The following PHACTR3 variants were observed in gnomAD, a reference collection of about 807,000 sequenced individuals.
PHACTR3 encodes phosphatase and actin regulator 3.
A neutral mutation model predicts 66.8 loss-of-function variants in PHACTR3; 16 were observed. The ratio of observed to expected loss-of-function variants is 0.24; its 90% CI spans 0.16 to 0.36. The LOEUF is 0.36. Ranked by LOEUF, PHACTR3 falls within the 10% of genes least tolerant of loss-of-function variation. The pLI is 1.00. For synonymous variants in PHACTR3, 323 were observed against 292.1 expected, an observed-to-expected ratio of 1.11 and a Z score of -1.08; for missense variants, 647 against 719.9, an observed-to-expected ratio of 0.90 and a Z score of 1.16.
intron 1 of PHACTR3, among the ~76,000 whole-genome samples, chr20:59,737,876 G>C (rs2039008902): frequency 6.6e-6 from 1 of 152,144 alleles, no homozygotes; most frequent in South Asian, 2.1e-4. Context: ...AAGGGAGAGA[G>C]GAGTGCAGTC....
At chr20:59,587,868 C>T (rs573324830) in intron 1 of PHACTR3, among the ~76,000 whole-genome samples, 2 of 152,328 alleles carry the variant, frequency 1.3e-5, no homozygotes, top group South Asian at 2.1e-4. Flanking sequence ...TGGCTGAATC[C>T]TCTCAGCCTT....
At chr20:59,717,420 A>G (rs1245882678) in intron 1 of PHACTR3, among the ~76,000 whole-genome samples, 3 of 152,226 alleles carry the variant, frequency 2.0e-5, no homozygotes, top group Non-Finnish European at 4.4e-5. Flanking sequence ...GATGAAATCC[A>G]CTGAACTTAT....
intron 1 of PHACTR3, among the ~76,000 whole-genome samples, chr20:59,677,424 G>T (rs899669161): frequency 6.6e-6 from 1 of 152,146 alleles, no homozygotes; most frequent in African/African-American, 2.4e-5. Flanking sequence ...GTGGACTTTT[G>T]GTTCTGAAAA....
At chr20:59,589,265 G>A (rs1345499733) in intron 1 of PHACTR3, among the ~76,000 whole-genome samples, 7 of 152,170 alleles carry the variant, frequency 4.6e-5, no homozygotes, top group Non-Finnish European at 7.3e-5. Context: ...CGGTGAGGGC[G>A]CCAGAATTTA....
chr20:59,797,746 T>C (rs1341784836), intron 7 of PHACTR3, among the ~76,000 whole-genome samples: 3 of 152,216 alleles, frequency 2.0e-5, no homozygotes, highest in Non-Finnish European at 2.9e-5. Flanking sequence ...GCTTTCCTTT[T>C]TTCAGTTTGT....
At chr20:59,594,689 T>C (rs1398516218) in intron 1 of PHACTR3, among the ~76,000 whole-genome samples, 1 of 152,222 alleles carries the variant, frequency 6.6e-6, no homozygotes, top group Non-Finnish European at 1.5e-5. Context: ...TTTTCTTAGT[T>C]AAGCTGGCTA....
chr20:59,667,433 C>T (rs2036032238), intron 1 of PHACTR3, among the ~76,000 whole-genome samples: 1 of 152,246 alleles, frequency 6.6e-6, no homozygotes, highest in South Asian at 2.1e-4. Context: ...ACTTCTCCCA[C>T]TTGCCTTTTC....
At chr20:59,796,313 TAAC>T (rs1470294026) in intron 7 of PHACTR3, among the ~76,000 whole-genome samples, 3 of 152,130 alleles carry the variant, frequency 2.0e-5, no homozygotes, top group Non-Finnish European at 2.9e-5. Context: ...GTATGTTTCT[TAAC>T]AACTTATTGT....
At chr20:59,776,993 G>T (rs2040562122) in intron 7 of PHACTR3, among the ~76,000 whole-genome samples, 2 of 152,208 alleles carry the variant, frequency 1.3e-5, no homozygotes, top group Non-Finnish European at 2.9e-5. Context: ...TATGACCACA[G>T]AATTTACTCT....
chr20:59,649,680 A>T (rs2035396698), intron 1 of PHACTR3, among the ~76,000 whole-genome samples: 2 of 152,118 alleles, frequency 1.3e-5, no homozygotes, highest in South Asian at 2.1e-4. Context: ...TCAGTTCATG[A>T]CTCAGTTAAT....
chr20:59,581,490 C>A (rs960340150), intron 1 of PHACTR3, among the ~76,000 whole-genome samples: 1 of 152,210 alleles, frequency 6.6e-6, no homozygotes, highest in Non-Finnish European at 1.5e-5. Context: ...GCTGTCACCC[C>A]ATTACTTTAA....
At chr20:59,582,291 T>A (rs1279185065) in intron 1 of PHACTR3, among the ~76,000 whole-genome samples, 2 of 152,232 alleles carry the variant, frequency 1.3e-5, no homozygotes, top group Non-Finnish European at 2.9e-5. Flanking sequence ...TCTGGCTTCA[T>A]AGGTTCTGTC....
intron 7 of PHACTR3, among the ~76,000 whole-genome samples, chr20:59,796,881 A>G (rs1288158131): frequency 6.6e-6 from 1 of 152,122 alleles, no homozygotes; most frequent in African/African-American, 2.4e-5. Context: ...ATGGATCTGG[A>G]TGTCCATCTC....
chr20:59,743,115 G>T lies in PHACTR3; in HGVS notation c.127G>T (p.Asp43Tyr). The change falls in exon 2 of 13, where the codon GAC (aspartate) becomes TAC (tyrosine). Residue 43 changes from aspartate (D) to tyrosine (Y), a missense_variant. This residue lies in a region of PHACTR3 where 577 missense variants were observed against 571.1 expected (regional missense o/e 1.01). Transcript: ENST00000371015. Reference protein sequence around the residue: ...ADAGENPDEMDQTPPARPEYL... With the variant: ...ADAGENPDEMYQTPPARPEYL... ...TGGTTTTCGTCTTCCAGATGAGATGGACCAAACGCCCCCGGCGCGTCCTGA... is the reference window on the plus strand; with the variant it reads ...TGGTTTTCGTCTTCCAGATGAGATGTACCAAACGCCCCCGGCGCGTCCTGA... The T allele has an allele frequency of 6.2e-7, 1 of 1,613,254 alleles. No homozygotes were observed. Among genetic ancestry groups the T allele is most frequent in the Non-Finnish European group, 8.5e-7 (1 of 1,179,656 alleles).
chr20:59,662,298 A>G (rs924230977), intron 1 of PHACTR3, among the ~76,000 whole-genome samples: 31 of 151,986 alleles, frequency 2.0e-4, no homozygotes, highest in African/African-American at 7.2e-4. Flanking sequence ...GGGAGATTTG[A>G]CCCAGCTTGG....
chr20:59,754,128 G>A (rs765037891), intron 3 of PHACTR3, among the ~76,000 whole-genome samples: 7 of 152,350 alleles, frequency 4.6e-5, no homozygotes, highest in Non-Finnish European at 7.3e-5. Context: ...TCTCAGTGAC[G>A]TGACTGTGAC....
chr20:59,694,581 A>T (rs965317210), intron 1 of PHACTR3, among the ~76,000 whole-genome samples: 2 of 152,010 alleles, frequency 1.3e-5, no homozygotes, highest in Non-Finnish European at 2.9e-5. Flanking sequence ...AGGTGAAGAG[A>T]TATAAGGAAT....
intron 1 of PHACTR3, among the ~76,000 whole-genome samples, chr20:59,711,898 C>T (rs1303421134): frequency 2.6e-5 from 4 of 152,082 alleles, no homozygotes; most frequent in African/African-American, 9.7e-5. Flanking sequence ...CGATTGAAAA[C>T]ATTTGTACTC....
At chr20:59,666,564 C>A (rs2035995774) in intron 1 of PHACTR3, among the ~76,000 whole-genome samples, 1 of 150,842 alleles carries the variant, frequency 6.6e-6, no homozygotes, top group African/African-American at 2.4e-5. Context: ...CAAAGAGAGA[C>A]AGAGACAGAG....
Sources: gnomAD v4.1 joint callset for allele counts (sites outside exome capture counted in the v4.1 genomes callset) on GRCh38, gnomAD v4.1.1 for gene constraint, gnomAD v4.1.1 regional missense constraint, MANE v1.5 for transcripts, NCBI Gene and HGNC (gene_info 2026-07-23, HGNC 2026-07-21) for gene names.